The following TG variants were observed in gnomAD, a reference collection of about 807,000 sequenced individuals.
The protein encoded by TG is thyroid hormones.
A neutral mutation model predicts 324.7 loss-of-function variants in TG; 270 were observed. The observed-to-expected ratio is 0.83, with a 90% CI of 0.75 to 0.92. TG has a LOEUF of 0.92. Among genes scored for constraint, TG ranks in the 40% least tolerant of loss-of-function variants. The probability of loss-of-function intolerance (pLI) is 0.00; values close to 1 mark genes in which losing one functional copy is unlikely to be tolerated. For missense variants in TG, 3,591 were observed against 3,456.4 expected, an observed-to-expected ratio of 1.04 and a Z score of -0.98; for synonymous variants, 1,401 against 1,327.0, an observed-to-expected ratio of 1.06 and a Z score of -1.21.
chr8:132,910,021 A>G (rs1819279598), intron 18 of TG, among the ~76,000 whole-genome samples: 1 of 152,212 alleles, frequency 6.6e-6, no homozygotes. Flanking sequence ...CTGATGAATA[A>G]CACATGTTCA....
At chr8:132,976,145 T>C (rs1830143605) in intron 34 of TG, among the ~76,000 whole-genome samples, 2 of 152,218 alleles carry the variant, frequency 1.3e-5, no homozygotes, top group Middle Eastern at 3.4e-3. Flanking sequence ...AGAAAGAAAT[T>C]GTGCTTGGGA....
At position 132,983,402 on chromosome 8, in the gene TG, C is replaced by A. The variant is rs1239309475; in HGVS notation, c.6252C>A (p.Leu2084=). 3 of 1,614,016 alleles carry A rather than the reference C, an allele frequency of 1.9e-6. No homozygotes were observed. The Admixed American group carries it at 5.0e-5, about 27-fold the overall frequency. Residue 2084 remains leucine, a synonymous_variant, in exon 35 of 48, where the codon CTC becomes CTA. Transcript: ENST00000220616. The stretch of plus-strand genomic sequence containing the variant: ...GCCCTTTGGTTGTTCTGCCTTCCCT[C>A]ACAGAGAAAGGTAAGTTCATTGTCT... The part of the protein sequence containing the change: ...SFCPLVVLPS[L]TEKVSLDSWQ...
rs773898900 is a variant in TG, at chr8:132,906,716, G to A, written c.3663G>A (p.Ala1221=). 29 of 1,614,104 alleles carry A rather than the reference G, an allele frequency of 1.8e-5. No homozygotes were observed. Among genetic ancestry groups the A allele is most frequent in the East Asian group, 1.8e-4 (8 of 44,892 alleles). Residue 1221 remains alanine (A), a synonymous_variant, in exon 17 of 48, where the codon GCG becomes GCA. Transcript: ENST00000220616. ...CGCGGTGTCCGCTGCCATTCAACGC[G>A]TCGGAGGTGGTTGGTGGAACAATCC... The part of the protein sequence containing the change: ...ESPRCPLPFN[A]SEVVGGTILC...
Position 133,096,302 on chromosome 8 carries a change from T to C in TG, c.7501T>C (p.Trp2501Arg), listed in dbSNP as rs2069569. Residue 2501 changes from tryptophan (W) to arginine (R), a missense_variant, in exon 43 of 48, where the codon TGG becomes CGG. Trp to Arg is a moderately radical substitution (Grantham distance 101). Transcript: ENST00000220616. Reference sequence around the variant, plus strand: ...AGCCAGAGCACTGAAGAGGTCTTTATGGGTAGAGGTCGATCTGCTCATTGG... The same window carrying C: ...AGCCAGAGCACTGAAGAGGTCTTTACGGGTAGAGGTCGATCTGCTCATTGG... ...PPARALKRSL[W>R]VEVDLLIGSS... 846,600 of 1,613,940 alleles carry C rather than the reference T, an allele frequency of 0.52. 228,035 individuals are homozygous for C. The highest frequency in any genetic ancestry group is 0.79 in the African/African-American group (59,470 of 74,986).
chr8:132,877,552 C>T (rs547252366), intron 5 of TG, among the ~76,000 whole-genome samples: 2 of 152,298 alleles, frequency 1.3e-5, no homozygotes, highest in African/African-American at 4.8e-5. Flanking sequence ...GTTAGAGAAT[C>T]TGACTGAGCC....
intron 41 of TG, chr8:133,044,976 T>C (rs1191397688): frequency 6.2e-7 from 1 of 1,614,048 alleles, no homozygotes. Context: ...ATATTGTATG[T>C]CTCTTACCAG....
chr8:133,078,467 A>C (rs1845239799), intron 41 of TG, among the ~76,000 whole-genome samples: 1 of 152,162 alleles, frequency 6.6e-6, no homozygotes, highest in African/African-American at 2.4e-5. Context: ...ACCATTTTCC[A>C]TACTGTTCCT....
chr8:133,118,775 C>G (rs56413243), intron 45 of TG, among the ~76,000 whole-genome samples: 1 of 152,060 alleles, frequency 6.6e-6, no homozygotes, highest in Non-Finnish European at 1.5e-5. Context: ...TAGTGGCCCC[C>G]GAAAGATATC....
At chr8:133,113,318 C>A in intron 43 of TG, 104 bp from the exon 44 acceptor site, 1 of 1,323,298 alleles carries the variant, frequency 7.6e-7, no homozygotes, top group Non-Finnish European at 1.1e-6. Context: ...ATGCCATGCC[C>A]CACTGCTTCC....
chr8:133,035,376 C>A (rs745541146), intron 41 of TG, among the ~76,000 whole-genome samples: 1 of 152,076 alleles, frequency 6.6e-6, no homozygotes, highest in African/African-American at 2.4e-5. Flanking sequence ...TATCATAGAG[C>A]ATGAATTGGA....
At chr8:133,091,887 CTCTA>C (rs541809779) in intron 41 of TG, among the ~76,000 whole-genome samples, 107 of 151,794 alleles carry the variant, frequency 7.0e-4, no homozygotes, top group African/African-American at 2.4e-3. Context: ...GTGAGTGTGT[CTCTA>C]TCTATGACTG....
intron 35 of TG, 49 bp downstream of exon 35, chr8:132,983,461 ATCT>A: frequency 1.3e-6 from 2 of 1,553,168 alleles, no homozygotes; most frequent in South Asian, 1.1e-5. Context: ...CCCCTCATTC[ATCT>A]TCTTTCTCCT....
intron 43 of TG, among the ~76,000 whole-genome samples, chr8:133,104,203 G>T (rs2131709798): frequency 6.6e-6 from 1 of 152,314 alleles, no homozygotes; most frequent in East Asian, 1.9e-4. Flanking sequence ...AGGAGAGGAA[G>T]TCAGAGGGAT....
chr8:133,102,464 G>A (rs1265506447), intron 43 of TG: 2 of 1,169,440 alleles, frequency 1.7e-6, no homozygotes, highest in African/African-American at 3.1e-5. Context: ...GATCCATCAA[G>A]TCCCTCTGAA....
chr8:132,919,616 T>C, intron 21 of TG, 91 bp downstream of exon 21: 1 of 1,559,472 alleles, frequency 6.4e-7, no homozygotes, highest in Non-Finnish European at 8.8e-7. Flanking sequence ...ATTGACATTT[T>C]GGGACAGATA....
intron 45 of TG, among the ~76,000 whole-genome samples, chr8:133,125,851 G>A (rs1004419436): frequency 1.3e-5 from 2 of 152,218 alleles, no homozygotes; most frequent in Non-Finnish European, 2.9e-5. Context: ...TTTGTAAGCT[G>A]TGGCTAGCAG....
intron 41 of TG, among the ~76,000 whole-genome samples, chr8:133,052,877 C>T (rs768169734): frequency 4.5e-4 from 69 of 152,200 alleles, no homozygotes; most frequent in Non-Finnish European, 8.8e-4. Context: ...GAGTGGGACG[C>T]CTCCTTCTCC....
intron 8 of TG, among the ~76,000 whole-genome samples, chr8:132,883,749 C>A (rs564562139): frequency 6.6e-6 from 1 of 152,154 alleles, no homozygotes; most frequent in African/African-American, 2.4e-5. Flanking sequence ...AGCAGTAGTC[C>A]GGAGGCAACG....
At chr8:133,125,958 G>A (rs553351198) in intron 45 of TG, among the ~76,000 whole-genome samples, 3 of 152,210 alleles carry the variant, frequency 2.0e-5, no homozygotes, top group South Asian at 2.1e-4. Context: ...TATCCAGGAC[G>A]GCTCACTGAA....
Sources: allele counts gnomAD v4.1 joint callset (sites outside exome capture counted in the v4.1 genomes callset), GRCh38; gene constraint gnomAD v4.1.1; transcripts MANE v1.5; gene names NCBI Gene and HGNC (gene_info 2026-07-23, HGNC 2026-07-21).